The following ZNF827 variants were observed in gnomAD, a reference collection of about 807,000 sequenced individuals.
ZNF827 encodes the protein zinc finger protein 827.
In ZNF827, 13 loss-of-function variants were observed where a neutral mutation model predicts 102.4. That is an observed-to-expected ratio of 0.13 (90% CI 0.08 to 0.20). ZNF827 has a LOEUF of 0.20. Among genes scored for constraint, ZNF827 ranks in the 10% least tolerant of loss-of-function variants. The pLI is 1.00. For missense variants in ZNF827, 1,103 were observed against 1,344.4 expected (o/e 0.82, Z 2.81); for synonymous variants, 523 against 536.2 (o/e 0.98, Z 0.34).
At chr4:145,935,848 C>T (rs962236258) in intron 1 of ZNF827, among the ~76,000 whole-genome samples, 6 of 152,110 alleles carry the variant, frequency 3.9e-5, no homozygotes, top group African/African-American at 1.4e-4. Context: ...GGGTCAAGGT[C>T]ATCAGCAGGG....
At chr4:145,908,282 C>A (rs1362694419) in intron 1 of ZNF827, among the ~76,000 whole-genome samples, 2 of 152,202 alleles carry the variant, frequency 1.3e-5, no homozygotes, top group African/African-American at 4.8e-5. Context: ...CCAGTCAGTC[C>A]ATATGAGTCT....
At position 145,834,743 on chromosome 4, in the gene ZNF827, T is replaced by C. The variant is rs571312815; in HGVS notation, c.2279+11213A>G. On this transcript the variant is annotated intron_variant, in intron 7 of 14. Coordinates refer to ENST00000508784, the MANE Select transcript of ZNF827 (RefSeq NM_001306215.2). ...CTTTACAGCCCTAGACCCTAAAAGGTCAAAAGGCCGTCTTATTCTCAAAAT... is the reference window on the plus strand; with the variant it reads ...CTTTACAGCCCTAGACCCTAAAAGGCCAAAAGGCCGTCTTATTCTCAAAAT... Among the ~76,000 whole-genome samples, 21 of 152,088 alleles carry C rather than the reference T, an allele frequency of 1.4e-4. No individual in the cohort carries two copies. The East Asian group carries it at 3.9e-3, about 28-fold the overall frequency.
intron 4 of ZNF827, among the ~76,000 whole-genome samples, chr4:145,876,149 G>C (rs1271775680): frequency 6.6e-6 from 1 of 152,164 alleles, no homozygotes; most frequent in Non-Finnish European, 1.5e-5. Context: ...GCCTATGCAT[G>C]TGTGTTCATA....
At chr4:145,890,447 A>T (rs909517428) in intron 3 of ZNF827, among the ~76,000 whole-genome samples, 2 of 152,084 alleles carry the variant, frequency 1.3e-5, no homozygotes, top group South Asian at 4.2e-4. Flanking sequence ...AAGGCACCCA[A>T]CTCATCTCCC....
chr4:145,936,399 C>T (rs1754172462), intron 1 of ZNF827, among the ~76,000 whole-genome samples: 2 of 152,170 alleles, frequency 1.3e-5, no homozygotes, highest in South Asian at 2.1e-4. Context: ...TGATATTATC[C>T]TCAGAACCTC....
chr4:145,821,896 C>T (rs1040185271), intron 8 of ZNF827, among the ~76,000 whole-genome samples: 2 of 152,180 alleles, frequency 1.3e-5, no homozygotes, highest in African/African-American at 4.8e-5. Flanking sequence ...CCAAGCCAAA[C>T]ATAAAGCCAG....
intron 1 of ZNF827, among the ~76,000 whole-genome samples, chr4:145,919,838 T>C (rs1037556065): frequency 2.6e-5 from 4 of 152,228 alleles, no homozygotes; most frequent in Non-Finnish European, 5.9e-5. Flanking sequence ...AACAATTCAC[T>C]AATATTGGTG....
At chr4:145,784,527 G>A (rs1432545591) in intron 8 of ZNF827, among the ~76,000 whole-genome samples, 1 of 152,086 alleles carries the variant, frequency 6.6e-6, no homozygotes, top group Non-Finnish European at 1.5e-5. Context: ...TGTACACCCA[G>A]CTGAACACAT....
In ZNF827 at chr4:145,902,195, T is replaced by A; in HGVS notation, c.1064A>T (p.Lys355Met). 6.2e-7 allele frequency: 1 copy of A among 1,606,052 alleles called. No homozygotes were observed. The highest frequency in any genetic ancestry group is 1.1e-5 in the South Asian group (1 of 89,384). Residue 355 changes from lysine to methionine, a missense_variant, in exon 2 of 15, where the codon AAG becomes ATG. Lys to Met is a moderately conservative substitution (Grantham distance 95, BLOSUM62 -1). Transcript: ENST00000508784. The surrounding 1 kb of genome is among the most constrained non-coding windows in gnomAD (Gnocchi z 4.3). ...ATTGGAGGGTTTAGAAACTCTTCCCTTAGGAACTGGGAGTAATAATAATTC... is the reference window on the plus strand; with the variant it reads ...ATTGGAGGGTTTAGAAACTCTTCCCATAGGAACTGGGAGTAATAATAATTC... ...SLELLLLPVP[K>M]GRVSKPSNSA... is the part of the protein sequence containing the mutation.
At chr4:145,822,775 C>T (rs187890031) in intron 8 of ZNF827, among the ~76,000 whole-genome samples, 4 of 152,206 alleles carry the variant, frequency 2.6e-5, no homozygotes, top group Admixed American at 2.6e-4. Flanking sequence ...ACACATAAGC[C>T]CTCCAGGATG....
At chr4:145,923,420 C>T (rs904513471) in intron 1 of ZNF827, among the ~76,000 whole-genome samples, 4 of 146,566 alleles carry the variant, frequency 2.7e-5, no homozygotes, top group Non-Finnish European at 6.0e-5. Context: ...GCCTGGCCAA[C>T]GTGGTGAGAA....
chr4:145,846,200 A>G (rs550904966), intron 6 of ZNF827, among the ~76,000 whole-genome samples, 187 bp from the exon 7 acceptor site: 7 of 152,320 alleles, frequency 4.6e-5, no homozygotes, highest in African/African-American at 1.7e-4. Flanking sequence ...GCATGTTGAT[A>G]GTATCCAGTG....
chr4:145,893,656 C>A (rs796535990), intron 2 of ZNF827, among the ~76,000 whole-genome samples: 1 of 152,096 alleles, frequency 6.6e-6, no homozygotes, highest in East Asian at 1.9e-4. Context: ...CACCTAAAAC[C>A]ACTAATTAAT....
chr4:145,880,916 G>T (rs919948774), intron 4 of ZNF827, among the ~76,000 whole-genome samples: 1 of 152,246 alleles, frequency 6.6e-6, no homozygotes, highest in African/African-American at 2.4e-5. Flanking sequence ...TTGGAAGAAG[G>T]CTCATTTGTT....
intron 13 of ZNF827, 83 bp downstream of exon 13, chr4:145,764,905 C>T (rs1350703233): frequency 5.0e-6 from 8 of 1,600,686 alleles, no homozygotes; most frequent in Non-Finnish European, 6.8e-6. Context: ...CTCCCAAAAC[C>T]TTCACGGGAA....
chr4:145,886,759 C>G (rs1345971211), intron 3 of ZNF827, among the ~76,000 whole-genome samples: 1 of 151,304 alleles, frequency 6.6e-6, no homozygotes. Flanking sequence ...AGGAGAAAAA[C>G]CAAGGTCTGA....
At chr4:145,807,495 C>T (rs1328908028) in intron 8 of ZNF827, among the ~76,000 whole-genome samples, 12 of 149,618 alleles carry the variant, frequency 8.0e-5, no homozygotes, top group Middle Eastern at 3.5e-3. Flanking sequence ...TTTTTTGAGA[C>T]ATAGTCTCGC....
At chr4:145,909,432 C>T (rs1752108142) in intron 1 of ZNF827, among the ~76,000 whole-genome samples, 1 of 152,248 alleles carries the variant, frequency 6.6e-6, no homozygotes, top group African/African-American at 2.4e-5. Flanking sequence ...CCTCTAGTCT[C>T]TTCCTCTCAG....
intron 8 of ZNF827, among the ~76,000 whole-genome samples, chr4:145,780,324 A>C (rs1444225602): frequency 6.6e-6 from 1 of 152,270 alleles, no homozygotes; most frequent in Non-Finnish European, 1.5e-5. Flanking sequence ...TTTGCTCTTC[A>C]TTCCAGTTTG....
Sources: allele counts gnomAD v4.1 joint callset (sites outside exome capture counted in the v4.1 genomes callset), GRCh38; gene constraint gnomAD v4.1.1; non-coding constraint Gnocchi (gnomAD v3.1); transcripts MANE v1.5; gene names NCBI Gene and HGNC (gene_info 2026-07-23, HGNC 2026-07-21).